The following SORCS3 variants were observed in gnomAD, a reference collection of about 807,000 sequenced individuals.
The protein encoded by SORCS3 is VPS10 domain-containing receptor SorCS3.
Under a neutral mutation model 146.3 loss-of-function variants are expected in SORCS3, and 57 were observed. The observed-to-expected ratio is 0.39, with a 90% CI of 0.31 to 0.49. The LOEUF (loss-of-function observed/expected upper bound fraction) is 0.49, where lower values mean the gene tolerates loss of function less well. Ranked by LOEUF, SORCS3 falls within the 20% of genes least tolerant of loss-of-function variation. The pLI is 0.92. For missense variants in SORCS3, 1,341 were observed against 1,575.5 expected (o/e 0.85, Z 2.52); for synonymous variants, 653 against 618.5 (o/e 1.06, Z -0.83).
At chr10:105,077,892 G>A (rs576477935) in intron 5 of SORCS3, among the ~76,000 whole-genome samples, 1 of 152,270 alleles carries the variant, frequency 6.6e-6, no homozygotes, top group East Asian at 1.9e-4. Context: ...CTGTGAATCT[G>A]GGGCTAGGGA....
chr10:105,111,346 A>T (rs2055857876), intron 7 of SORCS3, among the ~76,000 whole-genome samples: 1 of 152,200 alleles, frequency 6.6e-6, no homozygotes, highest in Admixed American at 6.5e-5. Context: ...CTCTAAAAGG[A>T]ATAGGACTGT....
At chr10:104,892,423 A>G (rs1286064979) in intron 2 of SORCS3, among the ~76,000 whole-genome samples, 1 of 152,214 alleles carries the variant, frequency 6.6e-6, no homozygotes, top group Non-Finnish European at 1.5e-5. Context: ...GGCAAAGGCC[A>G]TGGTTAAATA....
At chr10:104,923,285 GA>G (rs1168446155) in intron 3 of SORCS3, among the ~76,000 whole-genome samples, 1 of 152,176 alleles carries the variant, frequency 6.6e-6, no homozygotes, top group Non-Finnish European at 1.5e-5. Context: ...AAGTCCTTAG[GA>G]AGTGTAATCC....
intron 2 of SORCS3, among the ~76,000 whole-genome samples, chr10:104,883,130 C>G (rs1410767063): frequency 6.6e-6 from 1 of 152,178 alleles, no homozygotes; most frequent in Non-Finnish European, 1.5e-5. Flanking sequence ...TTCACTGAAG[C>G]TGTTTTCCAC....
At chr10:105,188,695 T>C (rs1044570463) in intron 14 of SORCS3, among the ~76,000 whole-genome samples, 3 of 152,216 alleles carry the variant, frequency 2.0e-5, no homozygotes, top group Non-Finnish European at 4.4e-5. Flanking sequence ...TTATTGTGTA[T>C]TTTAAAAATT....
At chr10:104,810,599 C>A (rs535592049) in intron 1 of SORCS3, among the ~76,000 whole-genome samples, 3 of 152,148 alleles carry the variant, frequency 2.0e-5, no homozygotes, top group African/African-American at 7.2e-5. Context: ...TGCTTTATGA[C>A]CTTCCTGAAA....
At chr10:104,800,405 A>C (rs1338164188) in intron 1 of SORCS3, among the ~76,000 whole-genome samples, 1 of 152,164 alleles carries the variant, frequency 6.6e-6, no homozygotes, top group East Asian at 1.9e-4. Context: ...TACAATGGTA[A>C]GTGTCATTAT....
rs369466495 is a variant in SORCS3 at position 104,856,521 on chromosome 10, G to T, written c.695+13662G>T. On this transcript the variant is annotated intron_variant, in intron 2 of 26. Coordinates refer to ENST00000369701, the MANE Select transcript of SORCS3 (RefSeq NM_014978.3). Reference sequence around the variant, plus strand: ...ATATTTATATATAAATATATACATAGAAATGTATGTATATATAAATATATA... The same window carrying T: ...ATATTTATATATAAATATATACATATAAATGTATGTATATATAAATATATA... Among the ~76,000 whole-genome samples, 14 of 145,320 alleles carry T rather than the reference G, an allele frequency of 9.6e-5. No individual in the cohort carries two copies. The East Asian group carries it at 2.0e-3, about 21-fold the overall frequency.
At chr10:105,095,961 C>T (rs2055743040) in intron 6 of SORCS3, among the ~76,000 whole-genome samples, 1 of 152,102 alleles carries the variant, frequency 6.6e-6, no homozygotes, top group South Asian at 2.1e-4. Flanking sequence ...GGGATACTGG[C>T]ATCTACGCAA....
intron 1 of SORCS3, among the ~76,000 whole-genome samples, chr10:104,771,239 C>G (rs2017246166): frequency 6.6e-6 from 1 of 152,196 alleles, no homozygotes; most frequent in Admixed American, 6.5e-5. Context: ...AGCACTATTC[C>G]AGGGGATTCT....
At chr10:104,897,167 A>C (rs2018806431) in intron 2 of SORCS3, among the ~76,000 whole-genome samples, 1 of 152,316 alleles carries the variant, frequency 6.6e-6, no homozygotes, top group Non-Finnish European at 1.5e-5. Context: ...AAGCTTTGGG[A>C]GACAGGGATT....
chr10:105,181,375 T>A (rs1589676299), intron 14 of SORCS3, among the ~76,000 whole-genome samples: 1 of 152,076 alleles, frequency 6.6e-6, no homozygotes. Context: ...TGCATATGTG[T>A]GTAGAGGTGT....
intron 8 of SORCS3, among the ~76,000 whole-genome samples, chr10:105,142,732 A>T (rs150562741): frequency 1.0e-3 from 155 of 152,290 alleles, no homozygotes; most frequent in Middle Eastern, 3.4e-3. Context: ...CATAAAAGTC[A>T]TTCTTTTCTG....
intron 7 of SORCS3, among the ~76,000 whole-genome samples, chr10:105,129,159 A>G (rs1162631802): frequency 6.6e-6 from 1 of 152,082 alleles, no homozygotes; most frequent in Non-Finnish European, 1.5e-5. Context: ...ATTTCATTTA[A>G]ATAATTGACC....
chr10:104,833,774 C>A (rs892909809), intron 1 of SORCS3, among the ~76,000 whole-genome samples: 1 of 152,188 alleles, frequency 6.6e-6, no homozygotes, highest in African/African-American at 2.4e-5. Context: ...TGACAGCTCC[C>A]AAATTGATAT....
intron 16 of SORCS3, 98 bp downstream of exon 16, chr10:105,201,351 G>C (rs2306652): frequency 0.24 from 342,201 of 1,404,452 alleles, 42,578 homozygotes; most frequent in South Asian, 0.33. Context: ...GAAGCATGAC[G>C]CAGAGATAGG....
chr10:105,175,726 T>C (rs1325864612), intron 13 of SORCS3, among the ~76,000 whole-genome samples: 1 of 152,190 alleles, frequency 6.6e-6, no homozygotes, highest in Non-Finnish European at 1.5e-5. Flanking sequence ...TAGCCTTCAA[T>C]ATATTTTTTT....
chr10:104,886,368 T>C (rs2018683849), intron 2 of SORCS3, among the ~76,000 whole-genome samples: 2 of 152,182 alleles, frequency 1.3e-5, no homozygotes, highest in Non-Finnish European at 2.9e-5. Flanking sequence ...CATTTGAATA[T>C]CTTTATAACA....
intron 1 of SORCS3, among the ~76,000 whole-genome samples, chr10:104,710,645 T>C (rs2016404125): frequency 6.6e-6 from 1 of 152,194 alleles, no homozygotes; most frequent in Non-Finnish European, 1.5e-5. Flanking sequence ...CCATGAGGTT[T>C]ATGCTCATCT....
Sources: gnomAD v4.1 joint callset for allele counts (sites outside exome capture counted in the v4.1 genomes callset) on GRCh38, gnomAD v4.1.1 for gene constraint, MANE v1.5 for transcripts, NCBI Gene and HGNC (gene_info 2026-07-23, HGNC 2026-07-21) for gene names.